The following KAT6A variants were observed in gnomAD, a reference collection of about 807,000 sequenced individuals.
KAT6A encodes lysine acetyltransferase 6A, also known as histone acetyltransferase KAT6A.
In KAT6A, 9 loss-of-function variants were observed where a neutral mutation model predicts 198.4. The ratio of observed to expected loss-of-function variants is 0.05; its 90% CI spans 0.03 to 0.08. KAT6A has a LOEUF of 0.08. Ranked by LOEUF, KAT6A falls within the 10% of genes least tolerant of loss-of-function variation. KAT6A has a pLI of 1.00. For synonymous variants in KAT6A, 890 were observed against 883.0 expected, an observed-to-expected ratio of 1.01 and a Z score of -0.14; for missense variants, 2,077 against 2,509.9, an observed-to-expected ratio of 0.83 and a Z score of 3.69.
chr8:42,022,901 G>A (rs1826619818), intron 2 of KAT6A, among the ~76,000 whole-genome samples: 1 of 152,194 alleles, frequency 6.6e-6, no homozygotes, highest in Non-Finnish European at 1.5e-5. Flanking sequence ...TTAAGATACA[G>A]TCATGTGTCG....
At chr8:41,968,458 T>G (rs1020516778) in intron 8 of KAT6A, among the ~76,000 whole-genome samples, 3 of 152,006 alleles carry the variant, frequency 2.0e-5, no homozygotes, top group Non-Finnish European at 2.9e-5. Context: ...TGGCAATCAT[T>G]AAAAAGTCAG....
intron 9 of KAT6A, among the ~76,000 whole-genome samples, chr8:41,951,798 A>G (rs1176145002): frequency 6.6e-6 from 1 of 152,232 alleles, no homozygotes; most frequent in African/African-American, 2.4e-5. Context: ...TGTGCAGTCA[A>G]CTTGTAGCAA....
At chr8:41,987,312 G>A (rs1385343547) in intron 3 of KAT6A, 143 bp downstream of exon 3, 5 of 609,480 alleles carry the variant, frequency 8.2e-6, no homozygotes, top group Non-Finnish European at 1.5e-5. Flanking sequence ...CTAAAGACAT[G>A]TTTCTCAGAA....
intron 12 of KAT6A, among the ~76,000 whole-genome samples, chr8:41,944,199 T>C (rs779286116): frequency 1.3e-5 from 2 of 152,198 alleles, no homozygotes; most frequent in African/African-American, 2.4e-5. Context: ...AGTATTATTA[T>C]GTCTACAGTT....
At chr8:41,958,692 C>G (rs989767936) in intron 8 of KAT6A, among the ~76,000 whole-genome samples, 1 of 151,990 alleles carries the variant, frequency 6.6e-6, no homozygotes, top group East Asian at 1.9e-4. Context: ...TGTGTATAGC[C>G]CTAGTAGGAT....
rs974776397 is a variant in KAT6A at position 41,931,071 on chromosome 8, CATAAA to C, written c.*1129_*1133del. ...CACACATCTGCGCCATCTCTTCCAACATAAAATAAACTGTTTCAATGGTTTGTCAG... is the reference window on the plus strand; with the variant it reads ...CACACATCTGCGCCATCTCTTCCAACATAAACTGTTTCAATGGTTTGTCAG... On this transcript the variant is annotated 3_prime_UTR_variant, in exon 17 of 17. Coordinates refer to ENST00000265713, the MANE Select transcript of KAT6A (RefSeq NM_006766.5). 5.5e-5 allele frequency: 12 copies of C among 219,754 alleles called. 1 individual carries two copies. Among genetic ancestry groups the C allele is most frequent in the Admixed American group, 1.7e-4 (3 of 17,266 alleles). 13.6% of individuals were successfully genotyped at this position (219,754 alleles called of 1,614,324 possible).
chr8:41,967,900 C>T (rs1377618883), intron 8 of KAT6A, among the ~76,000 whole-genome samples: 2 of 152,030 alleles, frequency 1.3e-5, no homozygotes, highest in African/African-American at 4.8e-5. Flanking sequence ...ATAAATGGTG[C>T]TGGGAAAACT....
chr8:42,023,031 T>C (rs1826625660), intron 2 of KAT6A, among the ~76,000 whole-genome samples: 1 of 152,198 alleles, frequency 6.6e-6, no homozygotes, highest in Admixed American at 6.5e-5. Context: ...CTAGGCTATA[T>C]GGTATAGGCT....
chr8:42,030,403 GTTTAA>G (rs2150921339), intron 2 of KAT6A, among the ~76,000 whole-genome samples: 1 of 152,206 alleles, frequency 6.6e-6, no homozygotes, highest in Non-Finnish European at 1.5e-5. Context: ...TCCTTTCCGT[GTTTAA>G]TTTCAGTGTT....
rs143909856 is a variant in KAT6A, at chr8:42,024,914, A to G, written c.600+23464T>C. On this transcript the variant is annotated intron_variant, in intron 2 of 16. Coordinates refer to ENST00000265713, the MANE Select transcript of KAT6A (RefSeq NM_006766.5). ...ATGGTGTTGCAATAAATATGGGGGT[A>G]TAAGTATCCCTTTGATATGCTGATT... Among the ~76,000 whole-genome samples the G allele has an allele frequency of 4.5e-4, 69 of 152,310 alleles. 1 individual carries two copies. In the East Asian group the frequency reaches 0.012, roughly 26 times the overall value.
chr8:41,983,576 C>T (rs372988154), intron 3 of KAT6A, among the ~76,000 whole-genome samples: 12 of 152,136 alleles, frequency 7.9e-5, no homozygotes, highest in Non-Finnish European at 1.3e-4. Flanking sequence ...ACTGAGACTA[C>T]GGAACACTAA....
chr8:42,000,288 C>T (rs902040882), intron 2 of KAT6A, among the ~76,000 whole-genome samples: 2 of 152,162 alleles, frequency 1.3e-5, no homozygotes, highest in Non-Finnish European at 2.9e-5. Context: ...CGGTGGCTCA[C>T]GCCTGTAATC....
At chr8:42,000,231 G>T (rs1276516507) in intron 2 of KAT6A, among the ~76,000 whole-genome samples, 2 of 152,140 alleles carry the variant, frequency 1.3e-5, no homozygotes, top group Admixed American at 1.3e-4. Context: ...ATTAGCAAAA[G>T]AATATTTCTA....
At chr8:41,946,137 CCAGGCTAGGGCCTGCAATG>C (rs1822373673) in intron 12 of KAT6A, among the ~76,000 whole-genome samples, 1 of 151,968 alleles carries the variant, frequency 6.6e-6, no homozygotes, top group African/African-American at 2.4e-5. Context: ...GCTCTGTGGC[CCAGGCTAGGGCCTGCAATG>C]CAGGGGTAGC....
chr8:41,934,265 C>T lies in KAT6A; in HGVS notation c.3955G>A (p.Glu1319Lys). 1 of 1,614,188 alleles carries T rather than the reference C, an allele frequency of 6.2e-7. No homozygotes were observed. Among genetic ancestry groups the T allele is most frequent in the Non-Finnish European group, 8.5e-7 (1 of 1,180,040 alleles). ...AQNDDHDADD[E>K]DDGHLESTKK... The stretch of plus-strand genomic sequence containing the variant: ...GTGGACTCCAGGTGGCCATCATCCT[C>T]ATCATCAGCGTCGTGGTCGTCATTC... The change falls in exon 17 of 17, where the codon GAG becomes AAG. Residue 1319 changes from glutamate to lysine, a missense_variant. By Grantham distance (56) the Glu-to-Lys change is moderately conservative (BLOSUM62 1). Transcript: ENST00000265713.
chr8:41,946,331 G>A (rs1210054231), intron 12 of KAT6A, among the ~76,000 whole-genome samples: 1 of 151,902 alleles, frequency 6.6e-6, no homozygotes, highest in African/African-American at 2.4e-5. Context: ...TTGAACTACT[G>A]GGCTCAAGCA....
Position 41,998,340 on chromosome 8 carries a change from A to G in KAT6A, c.601-10777T>C, listed in dbSNP as rs76490242. Among the ~76,000 whole-genome samples the G allele has an allele frequency of 3.4e-3, 512 of 152,292 alleles. 6 individuals are homozygous for G. Among genetic ancestry groups the G allele is most frequent in the African/African-American group, 0.012 (490 of 41,580 alleles). Reference sequence around the variant, plus strand: ...AAACTGCACACATATTCCCTTTAGGAAACTCATCCTTTGTTGGAAAGTGTT... The same window carrying G: ...AAACTGCACACATATTCCCTTTAGGGAACTCATCCTTTGTTGGAAAGTGTT... On this transcript the variant is annotated intron_variant, in intron 2 of 16. Transcript: ENST00000265713.
chr8:42,015,266 T>G (rs1027603981), intron 2 of KAT6A, among the ~76,000 whole-genome samples: 1 of 152,148 alleles, frequency 6.6e-6, no homozygotes, highest in Non-Finnish European at 1.5e-5. Flanking sequence ...AGAGTTGCAA[T>G]CTATAGCCAG....
In KAT6A at chr8:41,987,385, CTCAAG is replaced by C. The variant is rs558498253; in HGVS notation, c.709+65_709+69del. 6.2e-4 allele frequency: 544 copies of C among 871,692 alleles called. 3 individuals are homozygous for C. In the African/African-American group the frequency reaches 7.0e-3, roughly 11 times the overall value. The allele number at this position is 871,692 out of a possible 1,614,324, so 54.0% of individuals were successfully genotyped here. A position where few individuals can be genotyped will look rare whatever the true frequency, so the allele number is the denominator to read the frequency against. Reference sequence around the variant, plus strand: ...ATCTCATAAGGATCAAGGATACAAACTCAAGTCAACATACTTTCCGCTTGCCTTCG... The same window carrying C: ...ATCTCATAAGGATCAAGGATACAAACTCAACATACTTTCCGCTTGCCTTCG... On this transcript the variant is annotated intron_variant, in intron 3 of 16. Coordinates refer to ENST00000265713, the MANE Select transcript of KAT6A (RefSeq NM_006766.5).
Sources: allele counts gnomAD v4.1 joint callset (sites outside exome capture counted in the v4.1 genomes callset), GRCh38; gene constraint gnomAD v4.1.1; transcripts MANE v1.5; gene names NCBI Gene and HGNC (gene_info 2026-07-23, HGNC 2026-07-21).